The following NRG3 variants were observed in gnomAD, a reference collection of about 807,000 sequenced individuals.
NRG3 encodes neuregulin 3, also known as pro-neuregulin-3, membrane-bound isoform.
A neutral mutation model predicts 66.9 loss-of-function variants in NRG3; 31 were observed. The observed-to-expected ratio is 0.46, with a 90% CI of 0.35 to 0.63. The LOEUF is 0.63. Ranked by LOEUF, NRG3 falls within the 20% of genes least tolerant of loss-of-function variation. NRG3 has a pLI of 0.00. For synonymous variants in NRG3, 393 were observed against 359.4 expected (o/e 1.09, Z -1.06); for missense variants, 910 against 878.9 (o/e 1.04, Z -0.45).
chr10:82,184,040 C>T (rs533395112), intron 1 of NRG3, among the ~76,000 whole-genome samples: 37 of 152,116 alleles, frequency 2.4e-4, no homozygotes, highest in Admixed American at 2.2e-3. Flanking sequence ...AAGCAAATAT[C>T]CTTTTATCTT....
chr10:82,636,477 G>C (rs1419619327), intron 2 of NRG3, among the ~76,000 whole-genome samples: 1 of 152,124 alleles, frequency 6.6e-6, no homozygotes, highest in Non-Finnish European at 1.5e-5. Context: ...TTCTCAAAAA[G>C]AATGATGAGA....
At chr10:82,001,712 A>G (rs1370689246) in intron 1 of NRG3, among the ~76,000 whole-genome samples, 1 of 152,152 alleles carries the variant, frequency 6.6e-6, no homozygotes. Flanking sequence ...TTTTGTACTG[A>G]TATTTTCCTG....
At chr10:81,895,361 A>C (rs1257546502) in intron 1 of NRG3, among the ~76,000 whole-genome samples, 1 of 152,130 alleles carries the variant, frequency 6.6e-6, no homozygotes, top group Non-Finnish European at 1.5e-5. Flanking sequence ...TAACAGCCCC[A>C]AAACTGATAG....
At chr10:81,968,675 A>G (rs2059819024) in intron 1 of NRG3, among the ~76,000 whole-genome samples, 1 of 152,206 alleles carries the variant, frequency 6.6e-6, no homozygotes, top group Non-Finnish European at 1.5e-5. Flanking sequence ...TTTAAACACT[A>G]AGATTTATGT....
At chr10:82,307,540 A>T (rs2080809506) in intron 1 of NRG3, among the ~76,000 whole-genome samples, 1 of 152,204 alleles carries the variant, frequency 6.6e-6, no homozygotes, top group Non-Finnish European at 1.5e-5. Context: ...TGAGGCCAAA[A>T]TTATCAAGTC....
chr10:82,080,096 T>C (rs987764663), intron 1 of NRG3, among the ~76,000 whole-genome samples: 2 of 152,170 alleles, frequency 1.3e-5, no homozygotes, highest in East Asian at 1.9e-4. Flanking sequence ...TGTTGAAGAA[T>C]GGCATGGACT....
chr10:82,136,749 C>T (rs1241168894), intron 1 of NRG3, among the ~76,000 whole-genome samples: 3 of 152,138 alleles, frequency 2.0e-5, no homozygotes, highest in African/African-American at 7.2e-5. Context: ...GTTCTCACCA[C>T]TGGGATGGAT....
chr10:82,485,508 G>T (rs1001525496), intron 2 of NRG3, among the ~76,000 whole-genome samples: 1 of 149,018 alleles, frequency 6.7e-6, no homozygotes, highest in Non-Finnish European at 1.5e-5. Flanking sequence ...TTTTCGAAGG[G>T]TAATCTAATC....
intron 4 of NRG3, among the ~76,000 whole-genome samples, chr10:82,902,616 T>G (rs1227577004): frequency 2.0e-5 from 3 of 152,086 alleles, no homozygotes; most frequent in African/African-American, 7.2e-5. Context: ...TTTTAGAAAC[T>G]CCAAATAGAC....
intron 1 of NRG3, among the ~76,000 whole-genome samples, chr10:82,313,926 T>G (rs2135022736): frequency 6.6e-6 from 1 of 152,318 alleles, no homozygotes; most frequent in Non-Finnish European, 1.5e-5. Flanking sequence ...GACCCATTTT[T>G]TCCACTCTCC....
At position 82,572,458 on chromosome 10, in the gene NRG3, T is replaced by C. The variant is rs112204397; in HGVS notation, c.954-166119T>C. 1.7e-3 allele frequency among the ~76,000 whole-genome samples: 259 copies of C among 151,834 alleles called. 3 individuals carry two copies. Among genetic ancestry groups the C allele is most frequent in the African/African-American group, 5.9e-3 (245 of 41,498 alleles). Reference sequence around the variant, plus strand: ...AACAAACACCCTTACTTGCATTTCATTGTGATTTTTGCAGGCCCTTTGCAG... The same window carrying C: ...AACAAACACCCTTACTTGCATTTCACTGTGATTTTTGCAGGCCCTTTGCAG... On this transcript the variant is annotated intron_variant, in intron 2 of 8. Coordinates refer to ENST00000372141, the MANE Select transcript of NRG3 (RefSeq NM_001010848.4).
At chr10:82,438,508 C>T (rs186188965) in intron 2 of NRG3, among the ~76,000 whole-genome samples, 1 of 152,348 alleles carries the variant, frequency 6.6e-6, no homozygotes, top group African/African-American at 2.4e-5. Context: ...CTGGCTGCCC[C>T]TTCCCCAAGG....
chr10:82,366,087 A>G (rs1451491442), intron 2 of NRG3, among the ~76,000 whole-genome samples: 1 of 152,188 alleles, frequency 6.6e-6, no homozygotes. Context: ...TCAAAGTCCT[A>G]CTCAGCTTTC....
intron 1 of NRG3, among the ~76,000 whole-genome samples, chr10:82,358,041 A>G (rs12241908): frequency 0.36 from 54,021 of 152,034 alleles, 13,361 homozygotes; most frequent in African/African-American, 0.69. Flanking sequence ...TGTTATTCTC[A>G]TATTTGGGAT....
chr10:82,054,302 A>G (rs1257357380), intron 1 of NRG3, among the ~76,000 whole-genome samples: 1 of 152,218 alleles, frequency 6.6e-6, no homozygotes, highest in Non-Finnish European at 1.5e-5. Flanking sequence ...AGAGATATTG[A>G]GAAGTGGCTG....
chr10:82,253,139 T>C (rs1217627568), intron 1 of NRG3, among the ~76,000 whole-genome samples: 2 of 152,214 alleles, frequency 1.3e-5, no homozygotes, highest in African/African-American at 2.4e-5. Context: ...TAATATTCCA[T>C]GTTAAAATGC....
intron 1 of NRG3, among the ~76,000 whole-genome samples, chr10:82,347,014 C>G (rs1682532758): frequency 6.6e-6 from 1 of 151,900 alleles, no homozygotes; most frequent in African/African-American, 2.4e-5. Flanking sequence ...TTCAAAAAAA[C>G]CAGCTCCTGG....
At chr10:82,886,835 A>G (rs1417199831) in intron 4 of NRG3, among the ~76,000 whole-genome samples, 5 of 152,208 alleles carry the variant, frequency 3.3e-5, no homozygotes, top group Non-Finnish European at 5.9e-5. Context: ...TTGTCTTTAA[A>G]TGACAACCAG....
intron 1 of NRG3, among the ~76,000 whole-genome samples, chr10:81,972,050 T>C (rs922035362): frequency 3.9e-5 from 6 of 152,178 alleles, no homozygotes; most frequent in Admixed American, 2.6e-4. Flanking sequence ...ACCTGTCGAC[T>C]GGAAATTTCA....
Sources: allele counts gnomAD v4.1 joint callset (sites outside exome capture counted in the v4.1 genomes callset), GRCh38; gene constraint gnomAD v4.1.1; transcripts MANE v1.5; gene names NCBI Gene and HGNC (gene_info 2026-07-23, HGNC 2026-07-21).